The following NFATC2 variants were observed in gnomAD, a reference collection of about 807,000 sequenced individuals.
The protein encoded by NFATC2 is nuclear factor of activated T cells 2, also known as nuclear factor of activated T-cells, cytoplasmic 2.
NFATC2 carries 22 observed loss-of-function variants against 87.3 expected under a neutral mutation model. That is an observed-to-expected ratio of 0.25 (90% CI 0.18 to 0.36). NFATC2 has a LOEUF of 0.36. NFATC2 is among the 10% of genes least tolerant of loss of function. The pLI, the probability that NFATC2 is intolerant of heterozygous loss-of-function variation, is 1.00. For synonymous variants in NFATC2, 565 were observed against 542.2 expected (o/e 1.04, Z -0.58); for missense variants, 1,149 against 1,259.1 (o/e 0.91, Z 1.32).
intron 5 of NFATC2, among the ~76,000 whole-genome samples, chr20:51,467,233 G>C (rs1987777466): frequency 6.6e-6 from 1 of 152,062 alleles, no homozygotes. Context: ...AGTTAAAAAT[G>C]GGCAAATATT....
intron 6 of NFATC2, among the ~76,000 whole-genome samples, chr20:51,453,394 C>T (rs896583962): frequency 2.6e-5 from 4 of 152,200 alleles, no homozygotes; most frequent in African/African-American, 9.6e-5. Flanking sequence ...GACAACTCAC[C>T]TGTTATATTC....
chr20:51,542,239 G>C, intron 1 of NFATC2, 131 bp downstream of exon 1: 2 of 1,186,842 alleles, frequency 1.7e-6, no homozygotes, highest in South Asian at 1.8e-5. Context: ...CCTGGCACCT[G>C]GGTAGGGGCA....
chr20:51,448,844 C>A (rs1242360071), intron 6 of NFATC2, among the ~76,000 whole-genome samples: 2 of 152,038 alleles, frequency 1.3e-5, no homozygotes, highest in Non-Finnish European at 2.9e-5. Context: ...TTGAAAGTCA[C>A]AAAAATAATC....
At chr20:51,468,144 G>A (rs1183225911) in intron 5 of NFATC2, among the ~76,000 whole-genome samples, 1 of 152,196 alleles carries the variant, frequency 6.6e-6, no homozygotes, top group Non-Finnish European at 1.5e-5. Flanking sequence ...TCAGAACAGC[G>A]CTGCCTCCGT....
At chr20:51,407,690 C>T (rs1438803867) in intron 9 of NFATC2, among the ~76,000 whole-genome samples, 1 of 152,180 alleles carries the variant, frequency 6.6e-6, no homozygotes, top group African/African-American at 2.4e-5. Context: ...GTTGCAGAGG[C>T]CCACAGCCCC....
rs1245445686 is a variant in NFATC2 at position 51,542,629 on chromosome 20, G to C, written c.-130C>G. 2.5e-6 allele frequency: 3 copies of C among 1,204,392 alleles called. No homozygotes were observed. Among genetic ancestry groups the C allele is most frequent in the Admixed American group, 4.5e-5 (1 of 22,240 alleles). 74.6% of individuals were successfully genotyped at this position (1,204,392 alleles called of 1,614,324 possible). On this transcript the variant is annotated 5_prime_UTR_variant, in exon 1 of 11. Coordinates refer to ENST00000371564, the MANE Select transcript of NFATC2 (RefSeq NM_012340.5). The stretch of plus-strand genomic sequence containing the variant: ...CCCTTTCCTCGTAGGGACGCACGCC[G>C]GGTCCGGGGACGGCGCGCCTGGCGC...
intron 5 of NFATC2, among the ~76,000 whole-genome samples, chr20:51,464,480 G>A (rs372456690): frequency 2.5e-4 from 38 of 152,312 alleles, no homozygotes; most frequent in African/African-American, 7.7e-4. Context: ...ATTCCTAACC[G>A]CCACTCTAAA....
chr20:51,491,539 C>T (rs1051673476), intron 3 of NFATC2, among the ~76,000 whole-genome samples: 3 of 152,126 alleles, frequency 2.0e-5, no homozygotes, highest in African/African-American at 7.2e-5. Context: ...TGATTTCCAG[C>T]TCCCGGTGTG....
chr20:51,480,359 C>T lies in NFATC2; in HGVS notation c.1333-4699G>A, dbSNP rs1053335254. Among the ~76,000 whole-genome samples, 1 of 152,042 alleles carries T rather than the reference C, an allele frequency of 6.6e-6. No homozygotes were observed. Among genetic ancestry groups the T allele is most frequent in the African/African-American group, 2.4e-5 (1 of 41,402 alleles). ...CAGGAAGGAGGGAGAAAAGAAGGGG[C>T]ACAGAGGGAGATGGAGGGAGAGAAA... On this transcript the variant is annotated intron_variant, in intron 3 of 10. Transcript: ENST00000371564. The surrounding 1 kb of genome is among the most constrained non-coding windows in gnomAD (Gnocchi z 4.2).
In NFATC2 at chr20:51,459,763, C is replaced by T. The variant is rs568645681; in HGVS notation, c.1709-5075G>A. The stretch of plus-strand genomic sequence containing the variant: ...GCCTGGTAGCATGTACCTGTAATCC[C>T]GGCTACTTGGGTGGCTGAGGTGGGA... On this transcript the variant is annotated intron_variant, in intron 5 of 10. Transcript: ENST00000371564. Among the ~76,000 whole-genome samples the T allele has an allele frequency of 6.6e-5, 10 of 152,174 alleles. No individual in the cohort carries two copies. In the South Asian group the frequency reaches 1.0e-3, roughly 16 times the overall value.
At chr20:51,533,716 C>T (rs1217385175) in intron 1 of NFATC2, among the ~76,000 whole-genome samples, 28 of 152,252 alleles carry the variant, frequency 1.8e-4, no homozygotes, top group South Asian at 2.1e-4. Flanking sequence ...CAAGGCCAGG[C>T]GCCCAGGACA....
intron 10 of NFATC2, among the ~76,000 whole-genome samples, chr20:51,396,031 C>CAGGATTGACCCAAGAGCTG (rs1987030914): frequency 1.8e-5 from 2 of 108,408 alleles, no homozygotes; most frequent in African/African-American, 6.8e-5. Flanking sequence ...TTGTCAGCTC[C>CAGGATTGACCCAAGAGCTG]TAGTATGTAT....
At chr20:51,504,364 G>T (rs550908876) in intron 3 of NFATC2, among the ~76,000 whole-genome samples, 1 of 152,252 alleles carries the variant, frequency 6.6e-6, no homozygotes, top group South Asian at 2.1e-4. Flanking sequence ...TTGAACTCCC[G>T]GCCTCAAGTG....
chr20:51,437,981 T>C (rs534010102), intron 6 of NFATC2, among the ~76,000 whole-genome samples: 2 of 151,064 alleles, frequency 1.3e-5, no homozygotes, highest in Admixed American at 1.3e-4. Flanking sequence ...TTCGGCCCCC[T>C]GTTTTCTCAG....
intron 5 of NFATC2, among the ~76,000 whole-genome samples, chr20:51,461,310 A>G (rs570107063): frequency 3.0e-4 from 45 of 152,254 alleles, no homozygotes; most frequent in African/African-American, 1.1e-3. Flanking sequence ...GAGACTGCAG[A>G]CAATCCAAAC....
chr20:51,404,902 C>T (rs1988410019), intron 9 of NFATC2, among the ~76,000 whole-genome samples: 1 of 152,208 alleles, frequency 6.6e-6, no homozygotes, highest in African/African-American at 2.4e-5. Flanking sequence ...CTCACAAGCA[C>T]CCTGCCACCA....
intron 3 of NFATC2, among the ~76,000 whole-genome samples, chr20:51,505,294 A>G (rs1425345833): frequency 6.6e-6 from 1 of 151,942 alleles, no homozygotes; most frequent in African/African-American, 2.4e-5. Flanking sequence ...TGCTGGGATT[A>G]CAGGCGTGAG....
chr20:51,561,473 AAG>A (rs1176821806), intron 1 of NFATC2, among the ~76,000 whole-genome samples: 13 of 137,156 alleles, frequency 9.5e-5, no homozygotes, highest in East Asian at 2.2e-4. Flanking sequence ...GAAAGAAAGA[AAG>A]AAAGAAAGAA....
At chr20:51,546,388 TC>T (rs1392631076), upstream of NFATC2, among the ~76,000 whole-genome samples, 13 of 151,770 alleles carry the variant, frequency 8.6e-5, no homozygotes, top group Non-Finnish European at 1.6e-4. Context: ...TATTTTCAAT[TC>T]AAAAATAAAT....
Sources: allele counts gnomAD v4.1 joint callset (sites outside exome capture counted in the v4.1 genomes callset), GRCh38; gene constraint gnomAD v4.1.1; non-coding constraint Gnocchi (gnomAD v3.1); transcripts MANE v1.5; gene names NCBI Gene and HGNC (gene_info 2026-07-23, HGNC 2026-07-21).